Variants in AGO3 observed in about 807,000 individuals in gnomAD.
AGO3 encodes the protein protein argonaute-3.
A neutral mutation model predicts 105.5 loss-of-function variants in AGO3; 16 were observed. The ratio of observed to expected loss-of-function variants is 0.15; its 90% CI spans 0.10 to 0.23. The LOEUF (loss-of-function observed/expected upper bound fraction) is 0.23, where lower values mean the gene tolerates loss of function less well. Among genes scored for constraint, AGO3 ranks in the 10% least tolerant of loss-of-function variants. The pLI is 1.00. For synonymous variants in AGO3, 340 were observed against 367.3 expected (o/e 0.93, Z 0.85); for missense variants, 534 against 1,088.0 (o/e 0.49, Z 7.16).
intron 17 of AGO3, among the ~76,000 whole-genome samples, chr1:36,051,154 C>T (rs1248619487): frequency 1.3e-5 from 2 of 151,912 alleles, no homozygotes; most frequent in Admixed American, 6.6e-5. Context: ...AGGCTGGTCT[C>T]GAACTCCTGA....
upstream of AGO3, chr1:35,930,904 C>G: frequency 3.9e-6 from 1 of 258,420 alleles, no homozygotes; most frequent in African/African-American, 2.3e-5. Context: ...CGCGTTGTCT[C>G]CGGCCGGCAC....
intron 5 of AGO3, among the ~76,000 whole-genome samples, chr1:35,991,079 G>T (rs746672537): frequency 6.6e-6 from 1 of 152,132 alleles, no homozygotes; most frequent in Admixed American, 6.5e-5. Context: ...CGAGGTGGGC[G>T]GATTGCCTGA....
At chr1:35,964,658 G>A (rs1646740918) in intron 2 of AGO3, among the ~76,000 whole-genome samples, 1 of 152,072 alleles carries the variant, frequency 6.6e-6, no homozygotes, top group South Asian at 2.1e-4. Context: ...GGGATTGCTG[G>A]GTTAAATGGT....
At chr1:35,930,746 G>T (rs1646023073), upstream of AGO3, 1 of 155,512 alleles carries the variant, frequency 6.4e-6, no homozygotes, top group Admixed American at 6.5e-5. Context: ...ACCCCAGCGG[G>T]CTCGGCTCGG....
In AGO3 at chr1:36,013,714, C is replaced by T. The variant is rs1331817180; in HGVS notation, c.1234C>T (p.Arg412Cys). 4 of 1,614,062 alleles carry T rather than the reference C, an allele frequency of 2.5e-6. No individual in the cohort carries two copies. The highest frequency in any genetic ancestry group is 3.4e-6 in the Non-Finnish European group (4 of 1,180,006). ...GGATGAAATGGCTCATGTAACTGGACGCGTACTTCCAGCACCTATGCTCCA... is the reference window on the plus strand; with the variant it reads ...GGATGAAATGGCTCATGTAACTGGATGCGTACTTCCAGCACCTATGCTCCA... ...VRDEMAHVTG[R>C]VLPAPMLQYG... The change falls in exon 10 of 19, where the codon CGC becomes TGC. Residue 412 changes from arginine (R) to cysteine (C), a missense_variant. Transcript: ENST00000373191.
At position 36,057,413 on chromosome 1, in the gene AGO3, T is replaced by C. The variant is rs1314134480; in HGVS notation, c.*1668T>C. ...GGAAGTATAGCTTCCTTTTCTTTTATATTTATTAGAATAGTGCTTTAATAA... is the reference window on the plus strand; with the variant it reads ...GGAAGTATAGCTTCCTTTTCTTTTACATTTATTAGAATAGTGCTTTAATAA... On this transcript the variant is annotated 3_prime_UTR_variant, in exon 19 of 19. Transcript: ENST00000373191. 6.6e-6 allele frequency: 1 copy of C among 152,120 alleles called. No homozygotes were observed. The highest frequency in any genetic ancestry group is 1.5e-5 in the Non-Finnish European group (1 of 68,030). 9.4% of individuals were successfully genotyped at this position (152,120 alleles called of 1,614,324 possible).
At chr1:35,933,580 T>C (rs753292902) in intron 1 of AGO3, among the ~76,000 whole-genome samples, 1 of 134,188 alleles carries the variant, frequency 7.5e-6, no homozygotes, top group Non-Finnish European at 1.5e-5. Context: ...AGGCAGAGAT[T>C]GCAGTGAGCT....
chr1:36,043,363 A>G (rs1642330589), intron 16 of AGO3, 84 bp from the exon 17 acceptor site: 2 of 1,017,180 alleles, frequency 2.0e-6, no homozygotes, highest in Non-Finnish European at 3.0e-6. Flanking sequence ...GGATCAGCCT[A>G]TGTATTCATA....
At chr1:35,934,993 G>GA (rs927525994) in intron 1 of AGO3, among the ~76,000 whole-genome samples, 10 of 151,856 alleles carry the variant, frequency 6.6e-5, no homozygotes, top group Non-Finnish European at 8.8e-5. Context: ...TTGCCTTGAA[G>GA]AAAAAAAATC....
chr1:36,026,816 G>A (rs1641527177), intron 11 of AGO3, among the ~76,000 whole-genome samples: 1 of 152,198 alleles, frequency 6.6e-6, no homozygotes, highest in Non-Finnish European at 1.5e-5. Flanking sequence ...GTATGTAGCA[G>A]AACTGGGAAT....
intron 1 of AGO3, among the ~76,000 whole-genome samples, chr1:35,943,244 A>G (rs893418092): frequency 6.7e-5 from 10 of 149,582 alleles, no homozygotes; most frequent in African/African-American, 2.2e-4. Flanking sequence ...CTGACCTCAA[A>G]TGATCCTCCC....
At chr1:35,958,730 G>T (rs142414668) in intron 2 of AGO3, among the ~76,000 whole-genome samples, 1 of 151,856 alleles carries the variant, frequency 6.6e-6, no homozygotes, top group African/African-American at 2.4e-5. Flanking sequence ...TTATCTTGTT[G>T]CACAAGTATT....
chr1:35,939,963 G>A (rs1646223276), intron 1 of AGO3, among the ~76,000 whole-genome samples: 1 of 151,868 alleles, frequency 6.6e-6, no homozygotes, highest in Non-Finnish European at 1.5e-5. Flanking sequence ...TCATGATATA[G>A]TACCATTATC....
At chr1:36,002,432 C>A (rs533832626) in intron 5 of AGO3, among the ~76,000 whole-genome samples, 20 of 148,192 alleles carry the variant, frequency 1.3e-4, no homozygotes, top group African/African-American at 4.5e-4. Context: ...CAGGTTCAAG[C>A]GATTCTCATG....
At chr1:36,052,092 GTGTC>G (rs1642738667) in intron 17 of AGO3, among the ~76,000 whole-genome samples, 1 of 152,142 alleles carries the variant, frequency 6.6e-6, no homozygotes, top group South Asian at 2.1e-4. Context: ...AGGAAACAGT[GTGTC>G]AAGAAGATAT....
chr1:35,967,798 A>T (rs918095759), intron 3 of AGO3, among the ~76,000 whole-genome samples: 3 of 152,180 alleles, frequency 2.0e-5, no homozygotes, highest in African/African-American at 7.2e-5. Context: ...TTTAACATTG[A>T]TATGATACTT....
At chr1:35,961,024 A>G (rs1400379923) in intron 2 of AGO3, among the ~76,000 whole-genome samples, 2 of 150,728 alleles carry the variant, frequency 1.3e-5, no homozygotes, top group African/African-American at 4.9e-5. Context: ...GCTCACTGCA[A>G]GCTCCACCTC....
intron 3 of AGO3, among the ~76,000 whole-genome samples, chr1:35,971,346 A>G (rs1449274968): frequency 2.0e-5 from 3 of 150,882 alleles, no homozygotes; most frequent in Non-Finnish European, 4.4e-5. Flanking sequence ...TTTAGTAGAG[A>G]CAGGGTTTCA....
At chr1:36,010,024 T>G (rs545526458) in intron 9 of AGO3, among the ~76,000 whole-genome samples, 1 of 144,462 alleles carries the variant, frequency 6.9e-6, no homozygotes, top group East Asian at 2.1e-4. Flanking sequence ...CTGCAAGCTC[T>G]GCCTCCCAGG....
Sources: allele counts gnomAD v4.1 joint callset (sites outside exome capture counted in the v4.1 genomes callset), GRCh38; gene constraint gnomAD v4.1.1; transcripts MANE v1.5; gene names NCBI Gene and HGNC (gene_info 2026-07-23, HGNC 2026-07-21).